The following SCN3B variants were observed in gnomAD, a reference collection of about 807,000 sequenced individuals.
SCN3B encodes sodium channel regulatory subunit beta-3.
Under a neutral mutation model 25.4 loss-of-function variants are expected in SCN3B, and 11 were observed. The observed-to-expected ratio is 0.43, with a 90% CI of 0.27 to 0.72. SCN3B has a LOEUF of 0.72. Ranked by LOEUF, SCN3B falls within the 30% of genes least tolerant of loss-of-function variation. The pLI is 0.18. For synonymous variants in SCN3B, 109 were observed against 110.7 expected (o/e 0.99, Z 0.09); for missense variants, 218 against 278.3 (o/e 0.78, Z 1.54).
At chr11:123,638,088 G>A in intron 5 of SCN3B, 98 bp downstream of exon 5, 1 of 1,365,542 alleles carries the variant, frequency 7.3e-7, no homozygotes, top group South Asian at 1.2e-5. Flanking sequence ...TCATGAAGAG[G>A]GTGGAGGATG....
At chr11:123,635,355 A>G (rs1955712226) in intron 5 of SCN3B, among the ~76,000 whole-genome samples, 1 of 152,028 alleles carries the variant, frequency 6.6e-6, no homozygotes, top group Non-Finnish European at 1.5e-5. Context: ...ATGCCTGTGC[A>G]GTATCACAAA....
At chr11:123,639,495 G>C (rs1242205172) in intron 4 of SCN3B, 1 of 152,240 alleles carries the variant, frequency 6.6e-6, no homozygotes, top group Non-Finnish European at 1.5e-5. Context: ...TCCTGCCTCA[G>C]TCTCCCAAGT....
rs539745039 is a variant in SCN3B, at chr11:123,631,272, A to G, written c.*2527T>C. On this transcript the variant is annotated 3_prime_UTR_variant, in exon 7 of 7. Transcript: ENST00000299333. ...GCAATCATGCATACTGCCGGGTTCAACTTAGATACACGAGCTATTGGGCCA... is the reference window on the plus strand; with the variant it reads ...GCAATCATGCATACTGCCGGGTTCAGCTTAGATACACGAGCTATTGGGCCA... The G allele has an allele frequency of 1.3e-5, 2 of 152,288 alleles. No individual in the cohort carries two copies. The highest frequency in any genetic ancestry group is 1.3e-4 in the Admixed American group (2 of 15,292). The allele number at this position is 152,288 out of a possible 1,614,324, so 9.4% of individuals were successfully genotyped here. A position where few individuals can be genotyped will look rare whatever the true frequency, so the allele number is the denominator to read the frequency against.
chr11:123,649,349 C>A (rs558904943), intron 2 of SCN3B, among the ~76,000 whole-genome samples: 1 of 152,106 alleles, frequency 6.6e-6, no homozygotes, highest in African/African-American at 2.4e-5. Flanking sequence ...CTTGGTTGCC[C>A]CTAAGGCAAC....
At chr11:123,645,537 G>GA (rs1955844721) in intron 3 of SCN3B, 50 bp downstream of exon 3, 6 of 1,600,620 alleles carry the variant, frequency 3.7e-6, no homozygotes, top group Non-Finnish European at 5.1e-6. Flanking sequence ...GCCAGGCTGG[G>GA]AACAGCAGAG....
chr11:123,649,471 A>G (rs1955894517), intron 2 of SCN3B, among the ~76,000 whole-genome samples: 1 of 152,168 alleles, frequency 6.6e-6, no homozygotes, highest in Non-Finnish European at 1.5e-5. Context: ...ACATTGAAAA[A>G]TGGCCACAAA....
intron 2 of SCN3B, among the ~76,000 whole-genome samples, chr11:123,652,888 A>T (rs1240597789): frequency 2.0e-5 from 3 of 152,188 alleles, no homozygotes; most frequent in Admixed American, 6.5e-5. Context: ...ACAGTAAAAC[A>T]TTGTCTCAAT....
At position 123,631,549 on chromosome 11, in the gene SCN3B, C is replaced by T. The variant is rs1321639526; in HGVS notation, c.*2250G>A. The stretch of plus-strand genomic sequence containing the variant: ...ATGTGTTAACGGTCTGGTTTTGGGC[C>T]AGGCACAGTTGCTCAGGCCTGTAAT... On this transcript the variant is annotated 3_prime_UTR_variant, in exon 7 of 7. Transcript: ENST00000299333. 6.6e-6 allele frequency: 1 copy of T among 152,164 alleles called. No individual in the cohort carries two copies. Among genetic ancestry groups the T allele is most frequent in the African/African-American group, 2.4e-5 (1 of 41,432 alleles). 9.4% of individuals were successfully genotyped at this position (152,164 alleles called of 1,614,324 possible).
chr11:123,635,943 A>C (rs1035608570), intron 5 of SCN3B, among the ~76,000 whole-genome samples: 4 of 152,226 alleles, frequency 2.6e-5, no homozygotes, highest in Non-Finnish European at 5.9e-5. Flanking sequence ...TTAGCCTTCC[A>C]TGTGACTTAA....
At chr11:123,646,316 A>C (rs1308401576) in intron 2 of SCN3B, among the ~76,000 whole-genome samples, 4 of 152,360 alleles carry the variant, frequency 2.6e-5, no homozygotes, top group Non-Finnish European at 5.9e-5. Flanking sequence ...AGTTACTCCC[A>C]GTTGGCCTGG....
chr11:123,634,052 G>T, intron 6 of SCN3B, 69 bp downstream of exon 6: 2 of 1,277,592 alleles, frequency 1.6e-6, no homozygotes, highest in Non-Finnish European at 2.3e-6. Flanking sequence ...CTTCAGTTGT[G>T]GGCAACAAAG....
intron 3 of SCN3B, among the ~76,000 whole-genome samples, chr11:123,645,257 C>T (rs543586432): frequency 9.9e-4 from 150 of 152,184 alleles, no homozygotes; most frequent in African/African-American, 3.4e-3. Context: ...GAATTTAATG[C>T]ATATAATAGG....
At chr11:123,639,965 C>T (rs1487769556) in intron 4 of SCN3B, 1 of 152,204 alleles carries the variant, frequency 6.6e-6, no homozygotes, top group African/African-American at 2.4e-5. Flanking sequence ...CACCTCTCCC[C>T]TTGCCAGCTC....
chr11:123,650,502 C>G (rs1720328), intron 2 of SCN3B, among the ~76,000 whole-genome samples: 12,456 of 152,092 alleles, frequency 0.082, 528 homozygotes, highest in Middle Eastern at 0.11. Flanking sequence ...ATAGGATGCA[C>G]GAAAGATCAC....
chr11:123,632,488 T>C lies in SCN3B; in HGVS notation c.*1311A>G, dbSNP rs890627600. The C allele has an allele frequency of 1.3e-5, 2 of 152,158 alleles. No individual in the cohort carries two copies. Among genetic ancestry groups the C allele is most frequent in the African/African-American group, 4.8e-5 (2 of 41,426 alleles). The allele number at this position is 152,158 out of a possible 1,614,324, so 9.4% of individuals were successfully genotyped here. A position where few individuals can be genotyped will look rare whatever the true frequency, so the allele number is the denominator to read the frequency against. On this transcript the variant is annotated 3_prime_UTR_variant, in exon 7 of 7. Coordinates refer to ENST00000299333, the MANE Select transcript of SCN3B (RefSeq NM_001040151.2). ...CATAGACAAGTTCAATGTCAGTCTT[T>C]TCAGAAACAAAGTTATCCACCGGGC...
chr11:123,646,635 AG>A (rs1444869145), intron 2 of SCN3B, among the ~76,000 whole-genome samples: 2 of 152,176 alleles, frequency 1.3e-5, no homozygotes, highest in Non-Finnish European at 2.9e-5. Flanking sequence ...TGCCACACAG[AG>A]GTCTAAGACT....
At position 123,652,920 on chromosome 11, in the gene SCN3B, A is replaced by C. The variant is rs531247922; in HGVS notation, c.55+827T>G. Among the ~76,000 whole-genome samples the C allele has an allele frequency of 2.0e-5, 3 of 152,328 alleles. No individual in the cohort carries two copies. In the East Asian group the frequency reaches 5.8e-4, roughly 29 times the overall value. On this transcript the variant is annotated intron_variant, in intron 2 of 6. Coordinates refer to ENST00000299333, the MANE Select transcript of SCN3B (RefSeq NM_001040151.2). ...CAATCACACAATCAGACATTATCAC[A>C]TAGATCAATCCCCTTTACACACATT...
At position 123,638,122 on chromosome 11, in the gene SCN3B, C is replaced by T. The variant is rs932448724; in HGVS notation, c.584+64G>A. ...TGAATGTAAACTGCTTAGCACCTCA[C>T]CTGTGAGAGCAAGCATTCTGAAGGT... On this transcript the variant is annotated intron_variant, in intron 5 of 6. Transcript: ENST00000299333. The T allele has an allele frequency of 1.5e-5, 24 of 1,593,362 alleles. No homozygotes were observed. The Admixed American group carries it at 4.1e-4, about 27-fold the overall frequency.
intron 2 of SCN3B, 22 bp from the exon 3 acceptor site, chr11:123,645,772 A>G (rs1359960473): frequency 6.2e-7 from 1 of 1,613,882 alleles, no homozygotes; most frequent in East Asian, 2.2e-5. Flanking sequence ...ACAGATGGAC[A>G]GGGAAGGAAC....
Sources: gnomAD v4.1 joint callset for allele counts (sites outside exome capture counted in the v4.1 genomes callset) on GRCh38, gnomAD v4.1.1 for gene constraint, MANE v1.5 for transcripts, NCBI Gene and HGNC (gene_info 2026-07-23, HGNC 2026-07-21) for gene names.